The following COL25A1 variants were observed in gnomAD, a reference collection of about 807,000 sequenced individuals.
COL25A1 encodes the protein collagen type XXV alpha 1 chain, also known as collagen alpha-1(XXV) chain.
Under a neutral mutation model 128.4 loss-of-function variants are expected in COL25A1, and 103 were observed. The observed-to-expected ratio is 0.80, with a 90% confidence interval of 0.68 to 0.94. The LOEUF is 0.94. Ranked by LOEUF, COL25A1 falls within the 40% of genes least tolerant of loss-of-function variation. The pLI is 0.00. For missense variants in COL25A1, 745 were observed against 840.0 expected (o/e 0.89, Z 1.40); for synonymous variants, 279 against 277.2 (o/e 1.01, Z -0.06).
intron 3 of COL25A1, among the ~76,000 whole-genome samples, chr4:109,228,423 C>T (rs933386583): frequency 3.3e-5 from 5 of 152,124 alleles, no homozygotes; most frequent in Admixed American, 6.5e-5. Flanking sequence ...GCAACTGACA[C>T]GATGTAACTA....
intron 3 of COL25A1, among the ~76,000 whole-genome samples, chr4:109,205,606 T>C (rs1288925671): frequency 6.6e-6 from 1 of 152,124 alleles, no homozygotes; most frequent in Non-Finnish European, 1.5e-5. Flanking sequence ...CCTGATACTG[T>C]CAAGCTTCCA....
At chr4:109,013,583 C>G (rs1028400302) in intron 5 of COL25A1, among the ~76,000 whole-genome samples, 1 of 151,918 alleles carries the variant, frequency 6.6e-6, no homozygotes, top group Non-Finnish European at 1.5e-5. Context: ...ACACTCACCA[C>G]GAAGGTCTGC....
Position 109,297,830 on chromosome 4 carries a change from T to TAAGG in COL25A1, c.367+2749_367+2752dup, listed in dbSNP as rs1449442455. Among the ~76,000 whole-genome samples the TAAGG allele has an allele frequency of 2.0e-5, 3 of 147,400 alleles. No individual in the cohort carries two copies. In the East Asian group the frequency reaches 6.2e-4, roughly 31 times the overall value. On this transcript the variant is annotated intron_variant, in intron 3 of 37. Coordinates refer to ENST00000399132, the MANE Select transcript of COL25A1 (RefSeq NM_198721.4). The stretch of plus-strand genomic sequence containing the variant: ...AGACTATTTAGGTAAACTATTACCC[T>TAAGG]AAGGAAGGTATTATTAGTCTTTTTT...
intron 3 of COL25A1, among the ~76,000 whole-genome samples, chr4:109,228,616 A>T (rs1419436988): frequency 2.0e-5 from 3 of 152,174 alleles, no homozygotes; most frequent in Non-Finnish European, 4.4e-5. Context: ...AACATTCGGG[A>T]TTATGGTGTT....
At chr4:108,863,264 T>C (rs1441476166) in intron 21 of COL25A1, 55 bp downstream of exon 21, 9 of 1,546,636 alleles carry the variant, frequency 5.8e-6, no homozygotes, top group South Asian at 4.5e-5. Flanking sequence ...GTTTTTTGTG[T>C]TCTAAATCAA....
At chr4:109,115,801 C>A (rs1312705091) in intron 3 of COL25A1, among the ~76,000 whole-genome samples, 1 of 151,990 alleles carries the variant, frequency 6.6e-6, no homozygotes. Flanking sequence ...GGAGACCAAG[C>A]AGCACTGAGA....
chr4:109,240,883 C>T (rs1323207408), intron 3 of COL25A1, among the ~76,000 whole-genome samples: 2 of 152,090 alleles, frequency 1.3e-5, no homozygotes, highest in Non-Finnish European at 2.9e-5. Flanking sequence ...ATCTCTTGTA[C>T]ACCTTTTTAT....
chr4:109,073,124 T>A (rs757307420), intron 3 of COL25A1, among the ~76,000 whole-genome samples: 1 of 152,088 alleles, frequency 6.6e-6, no homozygotes, highest in Non-Finnish European at 1.5e-5. Context: ...TGATAATGTG[T>A]GTGTGCATGT....
chr4:109,212,590 GACAGT>G (rs1406322097), intron 3 of COL25A1, among the ~76,000 whole-genome samples: 1 of 152,094 alleles, frequency 6.6e-6, no homozygotes, highest in Non-Finnish European at 1.5e-5. Flanking sequence ...ATGATATGAA[GACAGT>G]ATGCCCATGT....
At chr4:108,993,162 G>C (rs1754390412) in intron 6 of COL25A1, among the ~76,000 whole-genome samples, 1 of 152,068 alleles carries the variant, frequency 6.6e-6, no homozygotes, top group Non-Finnish European at 1.5e-5. Flanking sequence ...TGTATCCTTT[G>C]AACAACATCA....
intron 11 of COL25A1, among the ~76,000 whole-genome samples, chr4:108,922,317 GTC>G (rs1395272208): frequency 6.6e-6 from 1 of 152,132 alleles, no homozygotes; most frequent in Non-Finnish European, 1.5e-5. Flanking sequence ...TTTCTCCAGT[GTC>G]TCTAGAGTAC....
At chr4:109,136,650 AAAACTGGC>A (rs1769799192) in intron 3 of COL25A1, among the ~76,000 whole-genome samples, 1 of 152,224 alleles carries the variant, frequency 6.6e-6, no homozygotes, top group Non-Finnish European at 1.5e-5. Context: ...GTGTGAATGG[AAAACTGGC>A]AAGGCACCAA....
chr4:109,259,325 A>C (rs564608666), intron 3 of COL25A1, among the ~76,000 whole-genome samples: 2 of 152,340 alleles, frequency 1.3e-5, no homozygotes, highest in South Asian at 4.1e-4. Context: ...TGGCTTTTCA[A>C]CTTTAAAAGA....
chr4:108,982,384 C>T (rs2125998554), intron 6 of COL25A1, among the ~76,000 whole-genome samples: 1 of 152,240 alleles, frequency 6.6e-6, no homozygotes, highest in Middle Eastern at 3.4e-3. Flanking sequence ...GTAGTTTTAA[C>T]CACATTACTT....
At chr4:109,009,741 G>A (rs1373709058) in intron 6 of COL25A1, among the ~76,000 whole-genome samples, 1 of 152,120 alleles carries the variant, frequency 6.6e-6, no homozygotes, top group Non-Finnish European at 1.5e-5. Context: ...TGTTTGTTGA[G>A]TTTCTCGTAC....
chr4:109,287,613 C>T (rs1724015794), intron 3 of COL25A1, among the ~76,000 whole-genome samples: 2 of 152,128 alleles, frequency 1.3e-5, no homozygotes, highest in South Asian at 2.1e-4. Flanking sequence ...CCCTACAAAA[C>T]CCACCAACCC....
intron 5 of COL25A1, among the ~76,000 whole-genome samples, chr4:109,025,465 C>G (rs949256588): frequency 4.6e-5 from 7 of 152,144 alleles, no homozygotes; most frequent in African/African-American, 7.2e-5. Context: ...TTTATATGTG[C>G]CCAATTCTGA....
chr4:109,165,341 C>CA (rs1560797824), intron 3 of COL25A1, among the ~76,000 whole-genome samples: 1 of 151,804 alleles, frequency 6.6e-6, no homozygotes, highest in Admixed American at 6.6e-5. Flanking sequence ...TAATAATTTC[C>CA]AAAAAAAGAA....
At chr4:108,846,256 T>C (rs200417807) in intron 27 of COL25A1, 37 bp from the exon 28 acceptor site, 85 of 1,260,988 alleles carry the variant, frequency 6.7e-5, no homozygotes, top group Non-Finnish European at 9.6e-5. Context: ...GTAAGCAGCA[T>C]AATGACCCCC....
Sources: allele counts gnomAD v4.1 joint callset (sites outside exome capture counted in the v4.1 genomes callset), GRCh38; gene constraint gnomAD v4.1.1; transcripts MANE v1.5; gene names NCBI Gene and HGNC (gene_info 2026-07-23, HGNC 2026-07-21).